Variants in GPC5 observed in about 807,000 individuals in gnomAD.
GPC5 encodes glypican-5.
Under a neutral mutation model 53.9 loss-of-function variants are expected in GPC5, and 47 were observed. The ratio of observed to expected loss-of-function variants is 0.87; its 90% CI spans 0.69 to 1.11. GPC5 has a LOEUF of 1.11. Ranked by LOEUF, GPC5 falls within the 50% of genes most tolerant of loss-of-function variation. The probability of loss-of-function intolerance (pLI) is 0.00; values close to 1 mark genes in which losing one functional copy is unlikely to be tolerated. For synonymous variants in GPC5, 286 were observed against 263.3 expected (o/e 1.09, Z -0.84); for missense variants, 748 against 713.1 (o/e 1.05, Z -0.56).
intron 7 of GPC5, among the ~76,000 whole-genome samples, chr13:92,577,174 T>C (rs1883213255): frequency 6.6e-6 from 1 of 152,168 alleles, no homozygotes; most frequent in Non-Finnish European, 1.5e-5. Context: ...TCTGCCATGC[T>C]TCTCTGTTGA....
intron 6 of GPC5, among the ~76,000 whole-genome samples, chr13:92,029,652 C>T (rs1291636253): frequency 6.6e-6 from 1 of 152,128 alleles, no homozygotes; most frequent in Non-Finnish European, 1.5e-5. Context: ...ATTTACTATG[C>T]GATTAATGTA....
intron 7 of GPC5, among the ~76,000 whole-genome samples, chr13:92,187,167 C>CA (rs879170737): frequency 1.3e-5 from 2 of 151,952 alleles, no homozygotes; most frequent in Admixed American, 1.3e-4. Context: ...TGAAAACCCT[C>CA]AATGTAACCT....
intron 7 of GPC5, among the ~76,000 whole-genome samples, chr13:92,769,934 T>G (rs972379553): frequency 6.6e-6 from 1 of 152,252 alleles, no homozygotes; most frequent in Non-Finnish European, 1.5e-5. Context: ...TAAACTCCTT[T>G]GTGCTTTCAC....
intron 6 of GPC5, among the ~76,000 whole-genome samples, chr13:92,017,924 A>C (rs1050218671): frequency 1.3e-5 from 2 of 151,848 alleles, no homozygotes; most frequent in African/African-American, 4.8e-5. Context: ...GAGTACATAC[A>C]CACTTCCACA....
intron 7 of GPC5, among the ~76,000 whole-genome samples, chr13:92,370,603 T>C (rs1327042858): frequency 6.6e-6 from 1 of 151,930 alleles, no homozygotes; most frequent in Non-Finnish European, 1.5e-5. Flanking sequence ...AAAAATTAAC[T>C]CAGAGTCACT....
chr13:91,415,217 C>T (rs934035975), intron 1 of GPC5, among the ~76,000 whole-genome samples: 1 of 152,190 alleles, frequency 6.6e-6, no homozygotes. Context: ...ACGGTCTCCC[C>T]CAGAATAAAG....
intron 7 of GPC5, among the ~76,000 whole-genome samples, chr13:92,532,763 C>G (rs1406317938): frequency 6.6e-6 from 1 of 152,066 alleles, no homozygotes; most frequent in Non-Finnish European, 1.5e-5. Flanking sequence ...TTCATATTTT[C>G]AAGAGTGGTT....
At chr13:92,441,174 C>T (rs988334704) in intron 7 of GPC5, among the ~76,000 whole-genome samples, 2 of 152,068 alleles carry the variant, frequency 1.3e-5, no homozygotes, top group Non-Finnish European at 1.5e-5. Context: ...TGGGTTCAAG[C>T]GATTCTCATG....
intron 6 of GPC5, among the ~76,000 whole-genome samples, chr13:92,130,833 A>G (rs527648519): frequency 1.3e-5 from 2 of 152,110 alleles, no homozygotes; most frequent in East Asian, 1.9e-4. Context: ...ATAGTCTAGA[A>G]TAAATAATGG....
chr13:92,632,626 T>G (rs907292276), intron 7 of GPC5, among the ~76,000 whole-genome samples: 2 of 152,004 alleles, frequency 1.3e-5, no homozygotes, highest in African/African-American at 4.8e-5. Flanking sequence ...AAACTGTATT[T>G]ATATCAGATA....
chr13:91,898,433 C>G lies in GPC5; in HGVS notation c.1281-9504C>G, dbSNP rs146182142. Among the ~76,000 whole-genome samples the G allele has an allele frequency of 5.7e-3, 871 of 152,240 alleles. 5 individuals carry two copies. Among genetic ancestry groups the G allele is most frequent in the Middle Eastern group, 0.017 (5 of 294 alleles). ...AGGCTGAAGGGTAGTGTTTCCTTCC[C>G]TAGGTCTTCGCGTATAATTGTCACC... On this transcript the variant is annotated intron_variant, in intron 5 of 7. Transcript: ENST00000377067.
At chr13:91,976,365 C>G (rs1215263547) in intron 6 of GPC5, among the ~76,000 whole-genome samples, 1 of 152,130 alleles carries the variant, frequency 6.6e-6, no homozygotes, top group African/African-American at 2.4e-5. Context: ...GGTTTAGGTC[C>G]TGCTGCTCAC....
At chr13:92,809,875 G>A (rs1243947968) in intron 7 of GPC5, among the ~76,000 whole-genome samples, 2 of 152,018 alleles carry the variant, frequency 1.3e-5, no homozygotes, top group East Asian at 3.9e-4. Flanking sequence ...CATAAACGAT[G>A]ACAAGTCCTA....
At chr13:91,580,025 A>G (rs1287114379) in intron 2 of GPC5, among the ~76,000 whole-genome samples, 1 of 151,938 alleles carries the variant, frequency 6.6e-6, no homozygotes, top group Non-Finnish European at 1.5e-5. Context: ...TATTTCACAG[A>G]ACACATTTTA....
At chr13:92,234,964 A>G (rs1183331809) in intron 7 of GPC5, among the ~76,000 whole-genome samples, 1 of 152,186 alleles carries the variant, frequency 6.6e-6, no homozygotes, top group East Asian at 1.9e-4. Flanking sequence ...GAAAGATACA[A>G]ATAAATCCAT....
chr13:92,075,966 G>C (rs1382524508), intron 6 of GPC5, among the ~76,000 whole-genome samples: 1 of 152,120 alleles, frequency 6.6e-6, no homozygotes, highest in African/African-American at 2.4e-5. Flanking sequence ...GTATCAAGAT[G>C]CTGATTTTCT....
intron 2 of GPC5, among the ~76,000 whole-genome samples, chr13:91,566,642 G>A (rs150155233): frequency 7.9e-4 from 120 of 152,232 alleles, no homozygotes; most frequent in African/African-American, 2.8e-3. Flanking sequence ...TGAGTATTCA[G>A]CAAGCACCAC....
intron 7 of GPC5, among the ~76,000 whole-genome samples, chr13:92,283,481 C>A (rs1293895204): frequency 6.6e-6 from 1 of 152,204 alleles, no homozygotes; most frequent in Non-Finnish European, 1.5e-5. Flanking sequence ...AAATTGACCA[C>A]ATAGTTGGAA....
intron 7 of GPC5, among the ~76,000 whole-genome samples, chr13:92,678,939 G>T (rs1594413596): frequency 6.6e-6 from 1 of 152,128 alleles, no homozygotes; most frequent in East Asian, 1.9e-4. Flanking sequence ...GACATGGGAT[G>T]TGAGTCAAAT....
Sources: gnomAD v4.1 joint callset for allele counts (sites outside exome capture counted in the v4.1 genomes callset) on GRCh38, gnomAD v4.1.1 for gene constraint, MANE v1.5 for transcripts, NCBI Gene and HGNC (gene_info 2026-07-23, HGNC 2026-07-21) for gene names.